Variants in LMO2 observed in about 807,000 individuals in gnomAD.
LMO2 encodes the protein LIM domain only 2.
LMO2 carries 20 observed loss-of-function variants against 23.2 expected under a neutral mutation model. That is an observed-to-expected ratio of 0.86 (90% CI 0.61 to 1.25). LMO2 has a LOEUF of 1.25. Ranked by LOEUF, LMO2 falls within the 50% of genes most tolerant of loss-of-function variation. The pLI is 0.00. For synonymous variants in LMO2, 123 were observed against 130.2 expected, an observed-to-expected ratio of 0.94 and a Z score of 0.38; for missense variants, 270 against 315.3, an observed-to-expected ratio of 0.86 and a Z score of 1.09.
rs189368537 is a variant in LMO2 at position 33,870,546 on chromosome 11, C to G, written c.-271-559G>C. ...GCAGAGGCGATGGTGGTGCGCCAGC[C>G]GGGACTGCACGGGCTGGGGACGCCT... On this transcript the variant is annotated intron_variant, in intron 2 of 5. Transcript: ENST00000257818. 1.9e-3 allele frequency: 1,837 copies of G among 985,676 alleles called. 23 individuals are homozygous for G. In the African/African-American group the frequency reaches 0.029, roughly 16 times the overall value. 61.1% of individuals were successfully genotyped at this position (985,676 alleles called of 1,614,324 possible). A position where few individuals can be genotyped will look rare whatever the true frequency, so the allele number is the denominator to read the frequency against.
chr11:33,882,537 G>A (rs1338038106), intron 1 of LMO2, among the ~76,000 whole-genome samples: 1 of 152,222 alleles, frequency 6.6e-6, no homozygotes, highest in Non-Finnish European at 1.5e-5. Context: ...TTTTTCAAGA[G>A]GAAGAGCTTC....
At chr11:33,869,273 CG>C in intron 4 of LMO2, 72 bp downstream of exon 4, 1 of 1,095,474 alleles carries the variant, frequency 9.1e-7, no homozygotes, top group South Asian at 4.4e-5. Flanking sequence ...GCGGGCCGCC[CG>C]GGTCCCCCCG....
chr11:33,889,846 GT>G (rs1857500938), intron 1 of LMO2, among the ~76,000 whole-genome samples: 1 of 152,200 alleles, frequency 6.6e-6, no homozygotes, highest in South Asian at 2.1e-4. Context: ...GCACTTGTAT[GT>G]TTATCGTAGC....
chr11:33,871,567 C>A (rs1176094913), intron 2 of LMO2, among the ~76,000 whole-genome samples: 811 of 52,718 alleles, frequency 0.015, no homozygotes, highest in South Asian at 0.026. Context: ...GACCCTGTCT[C>A]AAAAAAAAAA....
intron 4 of LMO2, among the ~76,000 whole-genome samples, chr11:33,869,108 G>A (rs1856898031): frequency 6.6e-6 from 1 of 152,210 alleles, no homozygotes; most frequent in African/African-American, 2.4e-5. Flanking sequence ...GTAGCCTGGA[G>A]TGGCCCGCAG....
At chr11:33,885,098 C>T (rs145003119) in intron 1 of LMO2, among the ~76,000 whole-genome samples, 3 of 152,240 alleles carry the variant, frequency 2.0e-5, no homozygotes, top group Admixed American at 2.0e-4. Context: ...GGTTAAATTG[C>T]AGAACAGTCA....
intron 5 of LMO2, among the ~76,000 whole-genome samples, chr11:33,862,268 T>C (rs1036268384): frequency 1.1e-4 from 16 of 152,194 alleles, no homozygotes; most frequent in African/African-American, 3.6e-4. Context: ...GGCTTGGTAC[T>C]CCCACCATGT....
At chr11:33,870,957 G>T in intron 2 of LMO2, 1 of 628,124 alleles carries the variant, frequency 1.6e-6, no homozygotes, top group Non-Finnish European at 2.0e-6. Context: ...GGGCCTCAGA[G>T]TTCCTTGAAA....
intron 5 of LMO2, among the ~76,000 whole-genome samples, chr11:33,862,251 G>A (rs1449931731): frequency 6.6e-6 from 1 of 152,210 alleles, no homozygotes; most frequent in East Asian, 1.9e-4. Context: ...TCCAGGCAAG[G>A]CTGCGGGGCT....
chr11:33,881,766 C>A, intron 2 of LMO2, 58 bp downstream of exon 2: 1 of 219,656 alleles, frequency 4.6e-6, no homozygotes, highest in Non-Finnish European at 9.3e-6. Context: ...ATGCAGGAAG[C>A]ATACAATAAT....
At position 33,864,399 on chromosome 11, in the gene LMO2, C is replaced by G. The variant is rs1856696104; in HGVS notation, c.464+203G>C. 6.6e-6 allele frequency among the ~76,000 whole-genome samples: 1 copy of G among 152,146 alleles called. No individual in the cohort carries two copies. Among genetic ancestry groups the G allele is most frequent in the Non-Finnish European group, 1.5e-5 (1 of 68,030 alleles). ...GTATTTTACCACATAGGAACGTAAC[C>G]CTGAGAACATGCTTCTCAAACAGGA... On this transcript the variant is annotated intron_variant, in intron 5 of 5. Coordinates refer to ENST00000257818, the MANE Select transcript of LMO2 (RefSeq NM_005574.4). This position sits in a 1 kb window ranked among gnomAD's most constrained non-coding sequence, Gnocchi z 4.8.
chr11:33,878,500 C>T (rs994492022), intron 2 of LMO2, among the ~76,000 whole-genome samples: 1 of 152,172 alleles, frequency 6.6e-6, no homozygotes, highest in African/African-American at 2.4e-5. Context: ...AAAATACAGA[C>T]AATGATAAAT....
At chr11:33,862,494 G>A (rs1856619443) in intron 5 of LMO2, among the ~76,000 whole-genome samples, 1 of 152,236 alleles carries the variant, frequency 6.6e-6, no homozygotes, top group South Asian at 2.1e-4. Flanking sequence ...CAACACAGCA[G>A]CAGAGTTGAG....
chr11:33,867,238 C>T (rs1392128459), intron 4 of LMO2, among the ~76,000 whole-genome samples: 1 of 152,098 alleles, frequency 6.6e-6, no homozygotes, highest in African/African-American at 2.4e-5. Flanking sequence ...TATAGCTAGG[C>T]AAGTCTCCAT....
At chr11:33,877,919 T>C (rs1857175275) in intron 2 of LMO2, among the ~76,000 whole-genome samples, 1 of 152,108 alleles carries the variant, frequency 6.6e-6, no homozygotes, top group Non-Finnish European at 1.5e-5. Flanking sequence ...CAGTTTTTGC[T>C]GCTTCCCTTC....
intron 2 of LMO2, among the ~76,000 whole-genome samples, chr11:33,879,382 G>A (rs578158998): frequency 3.9e-4 from 59 of 151,978 alleles, no homozygotes; most frequent in African/African-American, 1.2e-3. Context: ...CACTTTGGGA[G>A]GCTGAGGTGG....
Position 33,869,905 on chromosome 11 carries a change from C to A in LMO2, c.-189G>T, listed in dbSNP as rs1856962357. On this transcript the variant is annotated 5_prime_UTR_variant, in exon 3 of 6. Coordinates refer to ENST00000257818, the MANE Select transcript of LMO2 (RefSeq NM_005574.4). ...GCCTAGGGGCGGGGAGGGGACCGTG[C>A]GTCTCTCTCCGGGCTTCCTCCTCTC... 1.9e-6 allele frequency: 2 copies of A among 1,049,228 alleles called. No individual in the cohort carries two copies. Among genetic ancestry groups the A allele is most frequent in the South Asian group, 4.6e-5 (1 of 21,882 alleles). The allele number at this position is 1,049,228 out of a possible 1,614,324, so 65.0% of individuals were successfully genotyped here. A position where few individuals can be genotyped will look rare whatever the true frequency, so the allele number is the denominator to read the frequency against.
chr11:33,860,924 C>A (rs1229547706), intron 5 of LMO2, among the ~76,000 whole-genome samples: 2 of 152,186 alleles, frequency 1.3e-5, no homozygotes, highest in Non-Finnish European at 2.9e-5. Flanking sequence ...ATTTGAGAAT[C>A]AACAGCAAAA....
intron 2 of LMO2, among the ~76,000 whole-genome samples, chr11:33,877,393 G>A (rs1857159460): frequency 6.6e-6 from 1 of 151,986 alleles, no homozygotes; most frequent in South Asian, 2.1e-4. Context: ...AAAGGGCACT[G>A]AGCCTGGCAG....
Sources: allele counts gnomAD v4.1 joint callset (sites outside exome capture counted in the v4.1 genomes callset), GRCh38; gene constraint gnomAD v4.1.1; non-coding constraint Gnocchi (gnomAD v3.1); transcripts MANE v1.5; gene names NCBI Gene and HGNC (gene_info 2026-07-23, HGNC 2026-07-21).